The following CTNND2 variants were observed in gnomAD, a reference collection of about 807,000 sequenced individuals.
CTNND2 encodes catenin delta 2, also known as catenin delta-2.
A neutral mutation model predicts 144.4 loss-of-function variants in CTNND2; 22 were observed. That is an observed-to-expected ratio of 0.15 (90% CI 0.11 to 0.22). The LOEUF is 0.22. CTNND2 is among the 10% of genes least tolerant of loss of function. The pLI is 1.00. For synonymous variants in CTNND2, 751 were observed against 695.6 expected, an observed-to-expected ratio of 1.08 and a Z score of -1.25; for missense variants, 1,353 against 1,618.8, an observed-to-expected ratio of 0.84 and a Z score of 2.82.
Position 11,646,723 on chromosome 5 carries a change from T to G in CTNND2, c.175-81667A>C, listed in dbSNP as rs555456328. Among the ~76,000 whole-genome samples, 40 of 152,354 alleles carry G rather than the reference T, an allele frequency of 2.6e-4. No homozygotes were observed. In the South Asian group the frequency reaches 6.6e-3, roughly 25 times the overall value. ...CTATCTGCTAAGGCAGAAGCTTTTC[T>G]TCCCTTCCTCTCTAAGACCCTGTTC... On this transcript the variant is annotated intron_variant, in intron 2 of 21. Coordinates refer to ENST00000304623, the MANE Select transcript of CTNND2 (RefSeq NM_001332.4).
At chr5:11,086,274 A>G (rs1455028834) in intron 15 of CTNND2, among the ~76,000 whole-genome samples, 1 of 152,066 alleles carries the variant, frequency 6.6e-6, no homozygotes, top group Non-Finnish European at 1.5e-5. Context: ...TGGACCGGAG[A>G]TGGTCCAATC....
intron 1 of CTNND2, among the ~76,000 whole-genome samples, chr5:11,794,874 T>C (rs1791317591): frequency 1.3e-5 from 2 of 152,168 alleles, no homozygotes; most frequent in South Asian, 4.1e-4. Context: ...GTTTAAACAT[T>C]CCTATTTATG....
chr5:11,485,394 C>CAT (rs1372711911), intron 3 of CTNND2, among the ~76,000 whole-genome samples: 60 of 147,986 alleles, frequency 4.1e-4, no homozygotes, highest in African/African-American at 1.6e-3. Context: ...CGCGTGCGCG[C>CAT]GCACATTCAA....
intron 1 of CTNND2, among the ~76,000 whole-genome samples, chr5:11,882,209 TTC>T (rs1736169088): frequency 1.3e-5 from 2 of 152,066 alleles, no homozygotes; most frequent in Non-Finnish European, 1.5e-5. Context: ...ATACAGAAGT[TTC>T]TTAGTTTAAT....
rs551835530 is a variant in CTNND2, at chr5:11,805,631, C to T, written c.38-73359G>A. Among the ~76,000 whole-genome samples, 22 of 152,174 alleles carry T rather than the reference C, an allele frequency of 1.4e-4. No homozygotes were observed. The South Asian group carries it at 2.7e-3, about 19-fold the overall frequency. On this transcript the variant is annotated intron_variant, in intron 1 of 21. Coordinates refer to ENST00000304623, the MANE Select transcript of CTNND2 (RefSeq NM_001332.4). The stretch of plus-strand genomic sequence containing the variant: ...TAATTGGAACAACAAAATAAATATG[C>T]TAGCATTGGATCATAACATAAAGTA...
intron 2 of CTNND2, among the ~76,000 whole-genome samples, chr5:11,576,728 T>TA (rs2150123773): frequency 6.6e-6 from 1 of 152,344 alleles, no homozygotes; most frequent in East Asian, 1.9e-4. Context: ...TCTCATCATT[T>TA]ACCTCCTTCC....
At chr5:11,445,525 G>C (rs1395650587) in intron 3 of CTNND2, among the ~76,000 whole-genome samples, 1 of 152,134 alleles carries the variant, frequency 6.6e-6, no homozygotes, top group Non-Finnish European at 1.5e-5. Flanking sequence ...CTCATGCCAG[G>C]TGCCTCCAGA....
chr5:11,082,817 T>C lies in CTNND2; in HGVS notation c.2667A>G (p.Arg889=), dbSNP rs765773059. 6.2e-6 allele frequency: 10 copies of C among 1,614,054 alleles called. No homozygotes were observed. The highest frequency in any genetic ancestry group is 4.2e-6 in the Non-Finnish European group (5 of 1,180,042). ...KWSVYIRAAV[R]KEKGLPILVE... ...CGAGGATGGGCAGGCCTTTCTCTTTTCGGACAGCGGCTCGGATATATACTG... is the reference window on the plus strand; with the variant it reads ...CGAGGATGGGCAGGCCTTTCTCTTTCCGGACAGCGGCTCGGATATATACTG... Residue 889 remains arginine (R), a synonymous_variant, in exon 16 of 22, where the codon CGA becomes CGG. Transcript: ENST00000304623.
intron 9 of CTNND2, among the ~76,000 whole-genome samples, chr5:11,259,436 T>C (rs542867764): frequency 6.6e-6 from 1 of 152,112 alleles, no homozygotes; most frequent in Admixed American, 6.5e-5. Flanking sequence ...CTGCACCAGA[T>C]TGTGCCATCC....
chr5:11,218,900 G>A (rs1045444283), intron 10 of CTNND2, among the ~76,000 whole-genome samples: 4 of 152,152 alleles, frequency 2.6e-5, no homozygotes, highest in Non-Finnish European at 5.9e-5. Context: ...CAGTCAATGT[G>A]CACAATTACA....
At chr5:11,055,754 G>A (rs780634380) in intron 16 of CTNND2, among the ~76,000 whole-genome samples, 2 of 152,166 alleles carry the variant, frequency 1.3e-5, no homozygotes, top group Non-Finnish European at 2.9e-5. Context: ...TGGGGGTACT[G>A]GGCTAGGTGA....
intron 3 of CTNND2, among the ~76,000 whole-genome samples, chr5:11,470,366 G>A (rs545918846): frequency 4.6e-5 from 7 of 152,160 alleles, no homozygotes; most frequent in African/African-American, 9.6e-5. Flanking sequence ...CTTGGGAGGC[G>A]GAGATTTGGT....
intron 1 of CTNND2, among the ~76,000 whole-genome samples, chr5:11,839,474 C>G (rs1389348736): frequency 6.6e-6 from 1 of 151,962 alleles, no homozygotes; most frequent in African/African-American, 2.4e-5. Flanking sequence ...TCTATCATGG[C>G]TCCAGGGATT....
chr5:11,894,833 C>A (rs1403450926), intron 1 of CTNND2, among the ~76,000 whole-genome samples: 1 of 152,134 alleles, frequency 6.6e-6, no homozygotes, highest in Non-Finnish European at 1.5e-5. Flanking sequence ...GTGTCTGTAC[C>A]CAAAACCAAC....
intron 1 of CTNND2, among the ~76,000 whole-genome samples, chr5:11,795,090 T>C (rs747000063): frequency 5.3e-5 from 8 of 152,214 alleles, no homozygotes; most frequent in Non-Finnish European, 1.2e-4. Context: ...CATTTATTTA[T>C]TTAACTCATT....
At chr5:11,630,557 T>C (rs1781363077) in intron 2 of CTNND2, among the ~76,000 whole-genome samples, 1 of 152,222 alleles carries the variant, frequency 6.6e-6, no homozygotes, top group African/African-American at 2.4e-5. Flanking sequence ...GTTTGGTAAC[T>C]TACCCATTTA....
intron 1 of CTNND2, among the ~76,000 whole-genome samples, chr5:11,795,045 A>G (rs982413302): frequency 7.2e-5 from 11 of 152,220 alleles, no homozygotes; most frequent in Admixed American, 7.2e-4. Context: ...ATAACAAACA[A>G]TAAATTAAAA....
intron 3 of CTNND2, among the ~76,000 whole-genome samples, chr5:11,487,852 C>G (rs914303993): frequency 1.3e-5 from 2 of 152,060 alleles, no homozygotes; most frequent in African/African-American, 4.8e-5. Context: ...ACCACAGATA[C>G]GAGCAAAGAC....
chr5:11,075,376 G>A (rs916334844), intron 16 of CTNND2, among the ~76,000 whole-genome samples: 3 of 152,214 alleles, frequency 2.0e-5, no homozygotes, highest in Admixed American at 1.3e-4. Context: ...AGGAACATAT[G>A]GGGGCGTCAG....
Sources: gnomAD v4.1 joint callset for allele counts (sites outside exome capture counted in the v4.1 genomes callset) on GRCh38, gnomAD v4.1.1 for gene constraint, MANE v1.5 for transcripts, NCBI Gene and HGNC (gene_info 2026-07-23, HGNC 2026-07-21) for gene names.